Variants in ATP11A observed in about 807,000 individuals in gnomAD.
ATP11A encodes the protein phospholipid-transporting ATPase IH.
Under a neutral mutation model 154.4 loss-of-function variants are expected in ATP11A, and 81 were observed. That is an observed-to-expected ratio of 0.52 (90% confidence interval 0.44 to 0.63). The LOEUF (loss-of-function observed/expected upper bound fraction) is 0.63. Ranked by LOEUF, ATP11A falls within the 30% of genes least tolerant of loss-of-function variation. ATP11A has a pLI of 0.00. For synonymous variants in ATP11A, 623 were observed against 585.9 expected, an observed-to-expected ratio of 1.06 and a Z score of -0.91; for missense variants, 1,316 against 1,474.3, an observed-to-expected ratio of 0.89 and a Z score of 1.76.
chr13:112,690,717 GCGCCCCCTTCC>G lies in ATP11A; in HGVS notation c.39+268_39+278del, dbSNP rs1885056654. 6.6e-6 allele frequency among the ~76,000 whole-genome samples: 1 copy of G among 151,996 alleles called. No homozygotes were observed. Among genetic ancestry groups the G allele is most frequent in the Admixed American group, 6.5e-5 (1 of 15,284 alleles). On this transcript the variant is annotated intron_variant, in intron 1 of 29. Transcript: ENST00000375645. This position sits in a 1 kb window ranked among gnomAD's most constrained non-coding sequence, Gnocchi z 5.6. ...CCTGCTCCCTGGCCGCGGCCGCCTGGCGCCCCCTTCCCGCCCGCAGCGCCCTGGGGGTCCCT... is the reference window on the plus strand; with the variant it reads ...CCTGCTCCCTGGCCGCGGCCGCCTGGCGCCCGCAGCGCCCTGGGGGTCCCT...
rs1427313070 is a variant in ATP11A, at chr13:112,690,784, C to T, written c.39+329C>T. Among the ~76,000 whole-genome samples the T allele has an allele frequency of 1.3e-5, 2 of 152,032 alleles. No individual in the cohort carries two copies. Among genetic ancestry groups the T allele is most frequent in the Admixed American group, 6.5e-5 (1 of 15,274 alleles). On this transcript the variant is annotated intron_variant, in intron 1 of 29. Transcript: ENST00000375645. This position sits in a 1 kb window ranked among gnomAD's most constrained non-coding sequence, Gnocchi z 5.6. ...AGGCTGGCTGGGGTTCGAGCTGTCC[C>T]GGCGGACCGGGCGCCCGGAGGGAGC...
At position 112,808,613 on chromosome 13, in the gene ATP11A, T is replaced by C. The variant is rs147102069; in HGVS notation, c.334-2006T>C. On this transcript the variant is annotated intron_variant, in intron 4 of 29. Transcript: ENST00000375645. ...AGGGCTGTTTGTGCTGGGGTCCCCA[T>C]GCTCCCGGCCCCTCCTCGCTTGCCT... Among the ~76,000 whole-genome samples the C allele has an allele frequency of 5.8e-3, 883 of 152,186 alleles. 10 individuals are homozygous for C. The highest frequency in any genetic ancestry group is 0.02 in the African/African-American group (833 of 41,514).
intron 12 of ATP11A, among the ~76,000 whole-genome samples, chr13:112,828,466 C>T (rs1437165531): frequency 1.6e-4 from 22 of 141,324 alleles, no homozygotes; most frequent in African/African-American, 4.0e-4. Context: ...GGTGGGAAAG[C>T]GCCCAGAAGT....
At chr13:112,764,937 A>G (rs768482354) in intron 1 of ATP11A, among the ~76,000 whole-genome samples, 8 of 152,176 alleles carry the variant, frequency 5.3e-5, no homozygotes, top group Non-Finnish European at 1.2e-4. Context: ...AAGCCCCGAC[A>G]CTTGCCTCAC....
rs556475235 is a variant in ATP11A at position 112,777,922 on chromosome 13, G to A, written c.40-7213G>A. Among the ~76,000 whole-genome samples, 16 of 152,354 alleles carry A rather than the reference G, an allele frequency of 1.1e-4. No individual in the cohort carries two copies. In the East Asian group the frequency reaches 2.3e-3, roughly 22 times the overall value. ...CGCCAGATGTGGAATTCCTCTCGGA[G>A]GTGCTCTTATGGCACCCTGCACGGA... On this transcript the variant is annotated intron_variant, in intron 1 of 29. Coordinates refer to ENST00000375645, the MANE Select transcript of ATP11A (RefSeq NM_015205.3).
chr13:112,771,182 C>G (rs2077217133), intron 1 of ATP11A, among the ~76,000 whole-genome samples: 1 of 152,252 alleles, frequency 6.6e-6, no homozygotes, highest in Non-Finnish European at 1.5e-5. Context: ...AACCCAGGCC[C>G]TAACAGAGTT....
In ATP11A at chr13:112,697,389, G is replaced by T. The variant is rs1284139653; in HGVS notation, c.39+6934G>T. Among the ~76,000 whole-genome samples the T allele has an allele frequency of 2.0e-5, 3 of 151,896 alleles. No homozygotes were observed. Among genetic ancestry groups the T allele is most frequent in the Non-Finnish European group, 4.4e-5 (3 of 67,984 alleles). On this transcript the variant is annotated intron_variant, in intron 1 of 29. Coordinates refer to ENST00000375645, the MANE Select transcript of ATP11A (RefSeq NM_015205.3). The surrounding 1 kb of genome is among the most constrained non-coding windows in gnomAD (Gnocchi z 4.0). ...GCACAGAAAAGCCACGCAGAAAACAGCTGCTGGGCCAACACCGAGACCCCA... is the reference window on the plus strand; with the variant it reads ...GCACAGAAAAGCCACGCAGAAAACATCTGCTGGGCCAACACCGAGACCCCA...
intron 11 of ATP11A, among the ~76,000 whole-genome samples, chr13:112,826,458 C>T (rs905762385): frequency 6.6e-6 from 1 of 152,234 alleles, no homozygotes; most frequent in Admixed American, 6.5e-5. Context: ...TTAATCTCCA[C>T]TTGCTGGCAG....
intron 1 of ATP11A, among the ~76,000 whole-genome samples, chr13:112,744,905 A>G (rs416703): frequency 0.24 from 37,252 of 152,156 alleles, 6,091 homozygotes; most frequent in African/African-American, 0.46. Context: ...CCTTTCAAAC[A>G]ATGGTGAGTT....
intron 2 of ATP11A, among the ~76,000 whole-genome samples, chr13:112,793,869 T>C (rs2077927684): frequency 6.6e-6 from 1 of 152,224 alleles, no homozygotes; most frequent in Admixed American, 6.5e-5. Flanking sequence ...CTTCCCTGTC[T>C]GCACACCACA....
intron 1 of ATP11A, among the ~76,000 whole-genome samples, chr13:112,713,326 C>T (rs565588437): frequency 7.9e-5 from 12 of 152,136 alleles, no homozygotes; most frequent in Middle Eastern, 3.4e-3. Flanking sequence ...ACCTGGGAGG[C>T]GGAGGTTGCA....
In ATP11A at chr13:112,885,216, C is replaced by T. The variant is rs2080955561; in HGVS notation, c.*3350C>T. 1 of 150,394 alleles carries T rather than the reference C, an allele frequency of 6.6e-6. No homozygotes were observed. Among genetic ancestry groups the T allele is most frequent in the Non-Finnish European group, 1.5e-5 (1 of 67,706 alleles). 9.3% of individuals were successfully genotyped at this position (150,394 alleles called of 1,614,324 possible). A position where few individuals can be genotyped will look rare whatever the true frequency, so the allele number is the denominator to read the frequency against. ...GCACATATCATGAACAGCGTAAGTTCCTACACACGGACGTGTGATACACAC... is the reference window on the plus strand; with the variant it reads ...GCACATATCATGAACAGCGTAAGTTTCTACACACGGACGTGTGATACACAC... On this transcript the variant is annotated 3_prime_UTR_variant, in exon 30 of 30. Coordinates refer to ENST00000375645, the MANE Select transcript of ATP11A (RefSeq NM_015205.3).
chr13:112,858,212 T>C lies in ATP11A; in HGVS notation c.2589T>C (p.His863=). The change falls in exon 22 of 30, where the codon CAT becomes CAC. Residue 863 remains histidine (H), a synonymous_variant. Transcript: ENST00000375645. ...NSDYAIPKFK[H]LKKMLLVHGH... is the part of the protein sequence containing the mutation. Reference sequence around the variant, plus strand: ...ACTATGCAATCCCAAAGTTTAAGCATTTGAAGAAGATGCTGCTTGTTCACG... The same window carrying C: ...ACTATGCAATCCCAAAGTTTAAGCACTTGAAGAAGATGCTGCTTGTTCACG... The C allele has an allele frequency of 1.2e-6, 2 of 1,614,152 alleles. No homozygotes were observed. Among genetic ancestry groups the C allele is most frequent in the Non-Finnish European group, 1.7e-6 (2 of 1,180,024 alleles).
At chr13:112,760,665 C>T (rs968630628) in intron 1 of ATP11A, among the ~76,000 whole-genome samples, 5 of 152,126 alleles carry the variant, frequency 3.3e-5, no homozygotes, top group South Asian at 2.1e-4. Flanking sequence ...ACTTCCCATG[C>T]ACCAGGTCAT....
At chr13:112,723,662 G>A (rs960803736) in intron 1 of ATP11A, among the ~76,000 whole-genome samples, 1 of 152,022 alleles carries the variant, frequency 6.6e-6, no homozygotes, top group Non-Finnish European at 1.5e-5. Flanking sequence ...GTAGAAGGAG[G>A]TATGTGTAAC....
chr13:112,787,490 CG>C (rs1237889155), intron 2 of ATP11A, among the ~76,000 whole-genome samples: 6 of 106,926 alleles, frequency 5.6e-5, no homozygotes, highest in South Asian at 3.2e-4. Flanking sequence ...TAATTCACAC[CG>C]GGTGTCCTGA....
chr13:112,844,142 C>T (rs377600368), intron 17 of ATP11A, among the ~76,000 whole-genome samples: 1 of 152,124 alleles, frequency 6.6e-6, no homozygotes, highest in Non-Finnish European at 1.5e-5. Context: ...GTGACGTGGT[C>T]GCCGTGCCAT....
chr13:112,873,034 T>TTCC (rs2080583497), intron 26 of ATP11A, among the ~76,000 whole-genome samples: 1 of 12,240 alleles, frequency 8.2e-5, no homozygotes. Flanking sequence ...CTTTGTCTTC[T>TTCC]GGAGCGGTGT....
chr13:112,832,768 A>G, intron 13 of ATP11A, 92 bp from the exon 14 acceptor site: 2 of 1,452,142 alleles, frequency 1.4e-6, no homozygotes, highest in South Asian at 1.3e-5. Flanking sequence ...GACCCCCCCC[A>G]CCCCGCTTCT....
Sources: allele counts gnomAD v4.1 joint callset (sites outside exome capture counted in the v4.1 genomes callset), GRCh38; gene constraint gnomAD v4.1.1; non-coding constraint Gnocchi (gnomAD v3.1); transcripts MANE v1.5; gene names NCBI Gene and HGNC (gene_info 2026-07-23, HGNC 2026-07-21).